Variants in MCC observed in about 807,000 individuals in gnomAD.
MCC encodes colorectal mutant cancer protein.
A neutral mutation model predicts 116.2 loss-of-function variants in MCC; 90 were observed. The ratio of observed to expected loss-of-function variants is 0.77; its 90% CI spans 0.65 to 0.92. MCC has a LOEUF of 0.92. Among genes scored for constraint, MCC ranks in the 40% least tolerant of loss-of-function variants. The pLI is 0.00. For synonymous variants in MCC, 578 were observed against 510.5 expected (o/e 1.13, Z -1.78); for missense variants, 1,516 against 1,312.2 (o/e 1.16, Z -2.40).
rs1750255622 is a variant in MCC at position 113,022,989 on chromosome 5, TCTA to T, written c.*4310_*4312del. ...TGATCTGCATGTGAAACTGTCTTTC[TCTA>T]CACAGGTATTAGCAAAACAAGAATA... On this transcript the variant is annotated 3_prime_UTR_variant, in exon 19 of 19. Transcript: ENST00000408903. The T allele has an allele frequency of 6.6e-6, 1 of 152,246 alleles. No homozygotes were observed. 9.4% of individuals were successfully genotyped at this position (152,246 alleles called of 1,614,324 possible).
intron 14 of MCC, among the ~76,000 whole-genome samples, chr5:113,060,414 A>T (rs1007091015): frequency 2.0e-5 from 3 of 152,040 alleles, no homozygotes; most frequent in African/African-American, 7.2e-5. Context: ...CAGCCTCCCA[A>T]AGTGCTGGGA....
intron 1 of MCC, among the ~76,000 whole-genome samples, chr5:113,409,750 C>T (rs867595846): frequency 6.6e-6 from 1 of 152,002 alleles, no homozygotes; most frequent in Non-Finnish European, 1.5e-5. Context: ...TCTCTCATTC[C>T]CACCCCACTC....
intron 3 of MCC, among the ~76,000 whole-genome samples, chr5:113,256,168 C>A (rs1344431077): frequency 2.1e-3 from 316 of 152,266 alleles, no homozygotes; most frequent in African/African-American, 7.2e-3. Flanking sequence ...TTAGCTGCAC[C>A]AACCCTATCT....
At chr5:113,397,386 T>C (rs1769553913) in intron 1 of MCC, among the ~76,000 whole-genome samples, 1 of 152,138 alleles carries the variant, frequency 6.6e-6, no homozygotes, top group African/African-American at 2.4e-5. Flanking sequence ...GATGAAACTA[T>C]TGGTCTAATT....
chr5:113,075,388 G>C (rs1035251627), intron 11 of MCC, among the ~76,000 whole-genome samples: 1 of 152,162 alleles, frequency 6.6e-6, no homozygotes, highest in Non-Finnish European at 1.5e-5. Context: ...GAGGTGCCCA[G>C]TCCCATCGAC....
At chr5:113,112,200 T>C (rs1205313928) in intron 6 of MCC, among the ~76,000 whole-genome samples, 2 of 152,202 alleles carry the variant, frequency 1.3e-5, no homozygotes, top group East Asian at 3.9e-4. Flanking sequence ...TTTGCCTAGT[T>C]TGGAAGCCTT....
intron 14 of MCC, among the ~76,000 whole-genome samples, chr5:113,060,483 T>C (rs1753142758): frequency 6.6e-6 from 1 of 152,120 alleles, no homozygotes. Flanking sequence ...GAAAGTGCCC[T>C]GGGGGTGGGC....
intron 3 of MCC, among the ~76,000 whole-genome samples, chr5:113,238,050 C>T (rs1440220836): frequency 6.6e-6 from 1 of 152,156 alleles, no homozygotes; most frequent in African/African-American, 2.4e-5. Flanking sequence ...TTTCTGGCTG[C>T]AAGACTGATA....
chr5:113,094,026 T>C (rs1755838652), intron 8 of MCC, among the ~76,000 whole-genome samples: 1 of 152,198 alleles, frequency 6.6e-6, no homozygotes, highest in Admixed American at 6.5e-5. Context: ...TTCATGCAGT[T>C]AGTCCCTGTG....
chr5:113,085,109 G>A (rs1755112826), intron 9 of MCC, 55 bp downstream of exon 9: 6 of 1,611,162 alleles, frequency 3.7e-6, no homozygotes, highest in Non-Finnish European at 5.1e-6. Flanking sequence ...TGAGCCTGGT[G>A]CTTCCAGATA....
At chr5:113,453,513 C>T (rs1324898646) in intron 1 of MCC, among the ~76,000 whole-genome samples, 1 of 152,220 alleles carries the variant, frequency 6.6e-6, no homozygotes, top group Non-Finnish European at 1.5e-5. Context: ...ACTCCTCCTC[C>T]ACCTCCCTCA....
chr5:113,320,820 C>T (rs1368239844), intron 3 of MCC, among the ~76,000 whole-genome samples: 3 of 152,114 alleles, frequency 2.0e-5, no homozygotes, highest in African/African-American at 7.2e-5. Context: ...CTCTTAAATA[C>T]AATATAATGT....
intron 11 of MCC, among the ~76,000 whole-genome samples, chr5:113,078,666 A>T (rs1005768905): frequency 6.6e-6 from 1 of 152,214 alleles, no homozygotes; most frequent in Non-Finnish European, 1.5e-5. Context: ...TCTCAAAATA[A>T]TAAGAGCTAT....
At chr5:113,367,139 T>C (rs1024335087) in intron 2 of MCC, among the ~76,000 whole-genome samples, 1 of 152,198 alleles carries the variant, frequency 6.6e-6, no homozygotes, top group African/African-American at 2.4e-5. Flanking sequence ...CTGAACAATA[T>C]ATTCTGATAT....
In MCC at chr5:113,402,452, C is replaced by T. The variant is rs562811272; in HGVS notation, c.171-17240G>A. On this transcript the variant is annotated intron_variant, in intron 1 of 18. Coordinates refer to ENST00000408903, the MANE Select transcript of MCC (RefSeq NM_001085377.2). ...TACAGGTGTGAGCCACTGCACCTGGCCTACCAAAAAATTTTTAAAACACTC... is the reference window on the plus strand; with the variant it reads ...TACAGGTGTGAGCCACTGCACCTGGTCTACCAAAAAATTTTTAAAACACTC... Among the ~76,000 whole-genome samples the T allele has an allele frequency of 9.9e-5, 15 of 152,092 alleles. No homozygotes were observed. In the South Asian group the frequency reaches 2.9e-3, roughly 29 times the overall value.
chr5:113,224,113 G>A (rs1763647694), intron 3 of MCC, among the ~76,000 whole-genome samples: 1 of 152,168 alleles, frequency 6.6e-6, no homozygotes, highest in Non-Finnish European at 1.5e-5. Context: ...TTGAGACAGA[G>A]TCTCACTCAC....
chr5:113,272,529 G>C (rs1217843025), intron 3 of MCC, among the ~76,000 whole-genome samples: 2 of 152,072 alleles, frequency 1.3e-5, no homozygotes, highest in African/African-American at 4.8e-5. Flanking sequence ...ATAACCAAGT[G>C]ATAGAAAATT....
chr5:113,448,938 A>C (rs537988121), intron 1 of MCC, among the ~76,000 whole-genome samples: 2 of 152,336 alleles, frequency 1.3e-5, no homozygotes, highest in East Asian at 1.9e-4. Flanking sequence ...ATGTGGATTA[A>C]ATTTTAATCC....
chr5:113,430,892 T>C (rs572048355), intron 1 of MCC, among the ~76,000 whole-genome samples: 3 of 152,092 alleles, frequency 2.0e-5, no homozygotes, highest in Non-Finnish European at 4.4e-5. Context: ...GGTAAACTTA[T>C]GGAAATGAGT....
Sources: gnomAD v4.1 joint callset for allele counts (sites outside exome capture counted in the v4.1 genomes callset) on GRCh38, gnomAD v4.1.1 for gene constraint, MANE v1.5 for transcripts, NCBI Gene and HGNC (gene_info 2026-07-23, HGNC 2026-07-21) for gene names.